Variants in CNNM1 observed in about 807,000 individuals in gnomAD.
CNNM1 encodes the protein metal transporter CNNM1.
In CNNM1, 44 loss-of-function variants were observed where a neutral mutation model predicts 78.8. The observed-to-expected ratio is 0.56, with a 90% confidence interval of 0.44 to 0.72. The LOEUF is 0.72. Ranked by LOEUF, CNNM1 falls within the 30% of genes least tolerant of loss-of-function variation. CNNM1 has a pLI of 0.00. For synonymous variants in CNNM1, 584 were observed against 581.5 expected (o/e 1.00, Z -0.06); for missense variants, 1,101 against 1,292.2 (o/e 0.85, Z 2.27).
chr10:99,330,190 A>T lies in CNNM1; in HGVS notation c.803A>T (p.Gln268Leu). 6.6e-7 allele frequency: 1 copy of T among 1,512,046 alleles called. No homozygotes were observed. Among genetic ancestry groups the T allele is most frequent in the Non-Finnish European group, 8.8e-7 (1 of 1,135,158 alleles). The allele number at this position is 1,512,046 out of a possible 1,614,324, so 93.7% of individuals were successfully genotyped here. Reference protein sequence around the residue: ...RNSGSAAEQEQARRVQAVRGR... With the variant: ...RNSGSAAEQELARRVQAVRGR... ...AGCGGCTCGGCCGCCGAGCAGGAGC[A>T]GGCGCGCCGCGTGCAGGCCGTTCGC... Residue 268 changes from glutamine (Q) to leucine (L), a missense_variant, in exon 1 of 11, where the codon CAG (glutamine) becomes CTG (leucine). Coordinates refer to ENST00000356713, the MANE Select transcript of CNNM1 (RefSeq NM_020348.3).
intron 7 of CNNM1, among the ~76,000 whole-genome samples, chr10:99,381,120 GT>G (rs1273055601): frequency 3.9e-5 from 6 of 152,110 alleles, no homozygotes; most frequent in Admixed American, 2.6e-4. Context: ...AACCAATTAA[GT>G]GTTATTCAAC....
intron 6 of CNNM1, among the ~76,000 whole-genome samples, chr10:99,367,282 A>G (rs2031653318): frequency 6.6e-6 from 1 of 152,160 alleles, no homozygotes; most frequent in African/African-American, 2.4e-5. Flanking sequence ...AAGCTAGCTT[A>G]ATCAGCCTTT....
At chr10:99,351,908 TC>T (rs2134034385) in intron 1 of CNNM1, among the ~76,000 whole-genome samples, 1 of 152,336 alleles carries the variant, frequency 6.6e-6, no homozygotes, top group African/African-American at 2.4e-5. Flanking sequence ...CACACCAACT[TC>T]CTGCTCATTC....
intron 1 of CNNM1, among the ~76,000 whole-genome samples, chr10:99,353,590 G>A (rs73328320): frequency 0.028 from 4,228 of 152,192 alleles, 194 homozygotes; most frequent in African/African-American, 0.096. Context: ...GCAGGCATAG[G>A]GCTCTTCAAG....
At chr10:99,340,698 TC>T (rs1253310454) in intron 1 of CNNM1, among the ~76,000 whole-genome samples, 1 of 152,078 alleles carries the variant, frequency 6.6e-6, no homozygotes, top group African/African-American at 2.4e-5. Flanking sequence ...TCAATTCTTT[TC>T]TTTCTTTCTC....
intron 1 of CNNM1, among the ~76,000 whole-genome samples, chr10:99,331,676 G>A (rs2029923562): frequency 2.0e-5 from 3 of 152,148 alleles, no homozygotes; most frequent in Admixed American, 1.3e-4. Flanking sequence ...AAGCTGCAAT[G>A]AGCTGTAATC....
In CNNM1 at chr10:99,388,264, G is replaced by A; in HGVS notation, c.2637G>A (p.Gln879=). 1 of 1,613,856 alleles carries A rather than the reference G, an allele frequency of 6.2e-7. No individual in the cohort carries two copies. Among genetic ancestry groups the A allele is most frequent in the Non-Finnish European group, 8.5e-7 (1 of 1,179,854 alleles). Residue 879 remains glutamine, a synonymous_variant, in exon 9 of 11, where the codon CAG becomes CAA. Coordinates refer to ENST00000356713, the MANE Select transcript of CNNM1 (RefSeq NM_020348.3). ...MTDFEEHSTQ[Q]LTLSPAAVPT... ...ACTTCGAGGAGCACAGCACACAGCA[G>A]CTCACGCTGTCTCCTGCAGCCGTTC...
At chr10:99,376,729 G>A (rs1037539729) in intron 6 of CNNM1, among the ~76,000 whole-genome samples, 19 of 152,162 alleles carry the variant, frequency 1.2e-4, no homozygotes, top group Non-Finnish European at 2.6e-4. Flanking sequence ...TGAACCACCC[G>A]TCCCCCCTGT....
chr10:99,347,407 G>A (rs1298524764), intron 1 of CNNM1, among the ~76,000 whole-genome samples: 1 of 151,924 alleles, frequency 6.6e-6, no homozygotes, highest in African/African-American at 2.4e-5. Context: ...TGTAATCTTA[G>A]CTACTTGGGA....
At chr10:99,344,189 G>A (rs2030582650) in intron 1 of CNNM1, among the ~76,000 whole-genome samples, 1 of 151,702 alleles carries the variant, frequency 6.6e-6, no homozygotes, top group Admixed American at 6.6e-5. Context: ...AAAATTAGCT[G>A]GGCATGATGG....
intron 1 of CNNM1, among the ~76,000 whole-genome samples, chr10:99,350,980 A>G (rs1270270281): frequency 6.6e-6 from 1 of 152,192 alleles, no homozygotes; most frequent in Non-Finnish European, 1.5e-5. Flanking sequence ...TTGTCTCCAT[A>G]CATGGCCAAA....
intron 1 of CNNM1, among the ~76,000 whole-genome samples, chr10:99,335,027 T>TAC (rs1268364953): frequency 6.6e-6 from 1 of 152,254 alleles, no homozygotes; most frequent in Non-Finnish European, 1.5e-5. Flanking sequence ...CTTTCCCTGC[T>TAC]ACACCTGTCT....
chr10:99,330,351 C>T lies in CNNM1; in HGVS notation c.964C>T (p.His322Tyr), dbSNP rs747766715. 3 of 1,601,150 alleles carry T rather than the reference C, an allele frequency of 1.9e-6. No homozygotes were observed. The highest frequency in any genetic ancestry group is 2.6e-6 in the Non-Finnish European group (3 of 1,174,938). ...TGEDYSEEGI[H>Y]FPWLPALVCT... is the part of the protein sequence containing the mutation. ...GGAAGACTACAGCGAAGAGGGGATC[C>T]ACTTCCCGTGGCTGCCGGCGCTCGT... The change falls in exon 1 of 11, where the codon CAC becomes TAC. Residue 322 changes from histidine (H) to tyrosine (Y), a missense_variant. By Grantham distance (83) the His-to-Tyr change is moderately conservative. Coordinates refer to ENST00000356713, the MANE Select transcript of CNNM1 (RefSeq NM_020348.3).
In CNNM1 at chr10:99,360,842, TC is replaced by T; in HGVS notation, c.1726del (p.Arg576GlyfsTer28). On this transcript the variant is annotated frameshift_variant, in exon 3 of 11. Transcript: ENST00000356713. LOFTEE classifies it high-confidence loss of function. ...TCCTCTGTGACCCCACAGCTGACAATCGGAAAAAGCAGAGGGTCCCGCAACG... is the reference window on the plus strand; with the variant it reads ...TCCTCTGTGACCCCACAGCTGACAATGGAAAAAGCAGAGGGTCCCGCAACG... The part of the protein sequence containing the change: ...LDETDLYTDN[R>X]KKQRVPQRER... The T allele has an allele frequency of 1.9e-6, 3 of 1,604,384 alleles. No homozygotes were observed. Among genetic ancestry groups the T allele is most frequent in the Non-Finnish European group, 2.6e-6 (3 of 1,173,120 alleles).
At chr10:99,372,961 T>A (rs7092949) in intron 6 of CNNM1, among the ~76,000 whole-genome samples, 30,813 of 151,290 alleles carry the variant, frequency 0.2, 6,682 homozygotes, top group African/African-American at 0.55. Context: ...GTTTTTACTT[T>A]AAAAAAAAAG....
At chr10:99,375,622 G>T (rs2031939376) in intron 6 of CNNM1, among the ~76,000 whole-genome samples, 1 of 152,234 alleles carries the variant, frequency 6.6e-6, no homozygotes, top group Non-Finnish European at 1.5e-5. Flanking sequence ...CCAGACAACA[G>T]CTTGGCAGCT....
chr10:99,376,653 AG>A (rs2031970920), intron 6 of CNNM1, among the ~76,000 whole-genome samples: 1 of 152,208 alleles, frequency 6.6e-6, no homozygotes, highest in Non-Finnish European at 1.5e-5. Flanking sequence ...CCATGCTTGT[AG>A]TACTGCCCTC....
At chr10:99,379,478 G>A (rs949177399) in intron 7 of CNNM1, among the ~76,000 whole-genome samples, 1 of 152,128 alleles carries the variant, frequency 6.6e-6, no homozygotes, top group Non-Finnish European at 1.5e-5. Flanking sequence ...TGTTCAAGAT[G>A]GAAACAACAG....
In CNNM1 at chr10:99,391,716, C is replaced by T; in HGVS notation, c.*200C>T. The T allele has an allele frequency of 1.8e-6, 1 of 548,790 alleles. No homozygotes were observed. Among genetic ancestry groups the T allele is most frequent in the Non-Finnish European group, 3.3e-6 (1 of 306,914 alleles). The allele number at this position is 548,790 out of a possible 1,614,324, so 34.0% of individuals were successfully genotyped here. ...GTTCGACTCAGAACCTTGACATGGC[C>T]ATAACAGAAGGAGGTGCCTCTGATA... is the stretch of plus-strand genomic sequence containing the variant. On this transcript the variant is annotated 3_prime_UTR_variant, in exon 11 of 11. Coordinates refer to ENST00000356713, the MANE Select transcript of CNNM1 (RefSeq NM_020348.3).
Sources: gnomAD v4.1 joint callset for allele counts (sites outside exome capture counted in the v4.1 genomes callset) on GRCh38, gnomAD v4.1.1 for gene constraint, MANE v1.5 for transcripts, NCBI Gene and HGNC (gene_info 2026-07-23, HGNC 2026-07-21) for gene names.